TBC1D8: variants seen among roughly 807,000 people sequenced by gnomAD.
TBC1D8 encodes the protein BUB2-like protein 1.
A neutral mutation model predicts 118.8 loss-of-function variants in TBC1D8; 65 were observed. That is an observed-to-expected ratio of 0.55 (90% CI 0.45 to 0.67). The LOEUF is 0.67. Among genes scored for constraint, TBC1D8 ranks in the 30% least tolerant of loss-of-function variants. TBC1D8 has a pLI of 0.00. For missense variants in TBC1D8, 1,376 were observed against 1,471.2 expected (o/e 0.94, Z 1.06); for synonymous variants, 566 against 595.8 (o/e 0.95, Z 0.73).
chr2:101,082,831 A>G (rs911417788), intron 2 of TBC1D8, among the ~76,000 whole-genome samples: 7 of 140,638 alleles, frequency 5.0e-5, no homozygotes, highest in African/African-American at 1.9e-4. Context: ...GAAGATGAAA[A>G]AAGTTCTGGA....
chr2:101,037,325 G>C lies in TBC1D8; in HGVS notation c.1452+207C>G, dbSNP rs919239604. On this transcript the variant is annotated intron_variant, in intron 8 of 19. Transcript: ENST00000409318. ...GGCCCCACAGCTGAGAGCTGCGCGA[G>C]GTTTACCGAAGGGTGGGTGGGAGAG... 2.6e-5 allele frequency among the ~76,000 whole-genome samples: 4 copies of C among 152,250 alleles called. No individual in the cohort carries two copies. In the East Asian group the frequency reaches 7.7e-4, roughly 29 times the overall value.
chr2:101,059,450 T>C lies in TBC1D8; in HGVS notation c.373A>G (p.Ile125Val), dbSNP rs776314389. The change falls in exon 3 of 20, where the codon ATT becomes GTT. Residue 125 changes from isoleucine (I) to valine (V), a missense_variant. Ile to Val is a conservative substitution (Grantham distance 29). Coordinates refer to ENST00000409318, the MANE Select transcript of TBC1D8 (RefSeq NM_001330348.2). ...ACCTTCCCTTTGACAAAACTGGCAA[T>C]GTCATCTTTATTATCAAAGACAGAC... is the stretch of plus-strand genomic sequence containing the variant. The part of the protein sequence containing the change: ...TLSVFDNKDD[I>V]ASFVKGKVKA... The C allele has an allele frequency of 3.1e-6, 5 of 1,613,888 alleles. No individual in the cohort carries two copies. In the South Asian group the frequency reaches 4.4e-5, roughly 14 times the overall value.
At chr2:101,022,635 G>C (rs571342313) in intron 15 of TBC1D8, 114 bp from the exon 16 acceptor site, 1 of 1,408,078 alleles carries the variant, frequency 7.1e-7, no homozygotes, top group South Asian at 1.6e-5. Context: ...AACTGGATAC[G>C]TAAAAGTGTT....
chr2:101,127,625 A>G (rs1472634806), intron 1 of TBC1D8, among the ~76,000 whole-genome samples: 3 of 152,030 alleles, frequency 2.0e-5, no homozygotes, highest in Non-Finnish European at 4.4e-5. Context: ...ACAGACTCAA[A>G]CTCTTGGGCT....
At position 101,033,740 on chromosome 2, in the gene TBC1D8, G is replaced by A; in HGVS notation, c.1622C>T (p.Ala541Val). ...ATTCCCGTAGTAACCAGGGTGTGAG[G>A]CAAGATCCGTCACCGCATCTGAGTT... is the stretch of plus-strand genomic sequence containing the variant. ...LLFSDAVTDL[A>V]SHPGYYGNLV... The change falls in exon 10 of 20, where the codon GCC (alanine) becomes GTC (valine). Residue 541 changes from alanine to valine, a missense_variant. By Grantham distance (64) the Ala-to-Val change is moderately conservative. Transcript: ENST00000409318. 6.2e-7 allele frequency: 1 copy of A among 1,613,072 alleles called. No homozygotes were observed. Among genetic ancestry groups the A allele is most frequent in the Non-Finnish European group, 8.5e-7 (1 of 1,179,146 alleles).
chr2:101,091,619 G>T (rs979410482), intron 1 of TBC1D8, among the ~76,000 whole-genome samples: 7 of 152,168 alleles, frequency 4.6e-5, no homozygotes, highest in Admixed American at 4.6e-4. Flanking sequence ...CAGCTACTCA[G>T]GAGGCTGAGG....
intron 1 of TBC1D8, among the ~76,000 whole-genome samples, chr2:101,128,912 C>G (rs1171677264): frequency 6.6e-6 from 1 of 150,906 alleles, no homozygotes; most frequent in Non-Finnish European, 1.5e-5. Context: ...ATGATGGTTA[C>G]CATAGAGGGA....
rs191647258 is a variant in TBC1D8 at position 101,022,242 on chromosome 2, C to T, written c.2761+39G>A. On this transcript the variant is annotated intron_variant, in intron 16 of 19. Coordinates refer to ENST00000409318, the MANE Select transcript of TBC1D8 (RefSeq NM_001330348.2). ...TTTGTGTTCTGCTCACAGACCCACA[C>T]CCCAAAGCACATCACTGCGAAATCC... The T allele has an allele frequency of 2.5e-6, 4 of 1,612,716 alleles. No individual in the cohort carries two copies. The African/African-American group carries it at 5.3e-5, about 21-fold the overall frequency.
At chr2:101,034,278 T>C (rs1273335904) in intron 9 of TBC1D8, among the ~76,000 whole-genome samples, 1 of 152,226 alleles carries the variant, frequency 6.6e-6, no homozygotes, top group African/African-American at 2.4e-5. Flanking sequence ...TGTATTAATA[T>C]GCTTTTAACA....
intron 17 of TBC1D8, among the ~76,000 whole-genome samples, chr2:101,013,630 T>C (rs1476584421): frequency 1.3e-5 from 2 of 152,264 alleles, no homozygotes; most frequent in Non-Finnish European, 2.9e-5. Flanking sequence ...CTCTCCTTTA[T>C]AGCCTTAGGG....
chr2:101,014,196 A>C (rs1267033890), intron 17 of TBC1D8, among the ~76,000 whole-genome samples: 2 of 151,586 alleles, frequency 1.3e-5, no homozygotes, highest in Non-Finnish European at 2.9e-5. Flanking sequence ...ATTTCGCAAA[A>C]GTTTTTTTTT....
intron 9 of TBC1D8, among the ~76,000 whole-genome samples, chr2:101,034,290 ACT>A (rs1432911923): frequency 6.6e-6 from 1 of 152,266 alleles, no homozygotes; most frequent in Non-Finnish European, 1.5e-5. Flanking sequence ...CTTTTAACAC[ACT>A]GTATTCCCTA....
At chr2:101,151,070 C>G in intron 1 of TBC1D8, 57 bp downstream of exon 1, 3 of 971,670 alleles carry the variant, frequency 3.1e-6, no homozygotes, top group Non-Finnish European at 3.7e-6. Context: ...GCCGCGGGCC[C>G]GGCGGGGTGC....
intron 2 of TBC1D8, among the ~76,000 whole-genome samples, chr2:101,079,293 G>A (rs1422749262): frequency 2.0e-5 from 3 of 152,176 alleles, no homozygotes; most frequent in Non-Finnish European, 2.9e-5. Flanking sequence ...CCTGCTCTAC[G>A]CAGAAGTTAC....
At chr2:101,095,880 C>A (rs1261526546) in intron 1 of TBC1D8, among the ~76,000 whole-genome samples, 1 of 152,042 alleles carries the variant, frequency 6.6e-6, no homozygotes, top group Non-Finnish European at 1.5e-5. Flanking sequence ...GTAGGAGGAA[C>A]AGAAATCACT....
chr2:101,028,997 G>A (rs936982945), intron 12 of TBC1D8, among the ~76,000 whole-genome samples: 7 of 152,246 alleles, frequency 4.6e-5, no homozygotes, highest in African/African-American at 1.7e-4. Flanking sequence ...GTGGAAAGGA[G>A]TGAGGGACAA....
chr2:101,109,086 G>T (rs1046040537), intron 1 of TBC1D8, among the ~76,000 whole-genome samples: 1 of 152,146 alleles, frequency 6.6e-6, no homozygotes, highest in African/African-American at 2.4e-5. Context: ...GCAGAGAAGC[G>T]GGGGAGAGTG....
chr2:101,125,625 T>C (rs1678315319), intron 1 of TBC1D8, among the ~76,000 whole-genome samples: 1 of 152,216 alleles, frequency 6.6e-6, no homozygotes, highest in South Asian at 2.1e-4. Flanking sequence ...AAATAACGCA[T>C]GTTAGGCAAT....
intron 1 of TBC1D8, among the ~76,000 whole-genome samples, chr2:101,127,409 T>C (rs1678401910): frequency 6.6e-6 from 1 of 151,332 alleles, no homozygotes; most frequent in African/African-American, 2.4e-5. Context: ...TGACAAAAAC[T>C]CCAGTCTGGG....
Sources: allele counts gnomAD v4.1 joint callset (sites outside exome capture counted in the v4.1 genomes callset), GRCh38; gene constraint gnomAD v4.1.1; transcripts MANE v1.5; gene names NCBI Gene and HGNC (gene_info 2026-07-23, HGNC 2026-07-21).